Variants in KLHL29 observed in about 807,000 individuals in gnomAD.
KLHL29 encodes kelch like family member 29.
Under a neutral mutation model 80.4 loss-of-function variants are expected in KLHL29, and 21 were observed. The observed-to-expected ratio is 0.26, with a 90% CI of 0.19 to 0.38. KLHL29 has a LOEUF of 0.38. Among genes scored for constraint, KLHL29 ranks in the 10% least tolerant of loss-of-function variants. The probability of loss-of-function intolerance (pLI) is 1.00; values close to 1 mark genes in which losing one functional copy is unlikely to be tolerated. For synonymous variants in KLHL29, 511 were observed against 526.8 expected (o/e 0.97, Z 0.41); for missense variants, 867 against 1,223.9 (o/e 0.71, Z 4.35).
At chr2:23,604,229 G>A (rs1002140957) in intron 3 of KLHL29, among the ~76,000 whole-genome samples, 6 of 151,744 alleles carry the variant, frequency 4.0e-5, no homozygotes, top group South Asian at 4.2e-4. Flanking sequence ...TGGGCCTCCC[G>A]AGTAGCTGGG....
chr2:23,562,536 T>G lies in KLHL29; in HGVS notation c.285+55T>G. Reference sequence around the variant, plus strand: ...GCCGGACAGAGGGGCCCTGCCTCCCTGCAGGCTCAGGCCAGCCCCACAGGC... The same window carrying G: ...GCCGGACAGAGGGGCCCTGCCTCCCGGCAGGCTCAGGCCAGCCCCACAGGC... On this transcript the variant is annotated intron_variant, in intron 3 of 13. Transcript: ENST00000486442. This position sits in a 1 kb window ranked among gnomAD's most constrained non-coding sequence, Gnocchi z 4.5. The G allele has an allele frequency of 6.6e-7, 1 of 1,516,632 alleles. No homozygotes were observed. The highest frequency in any genetic ancestry group is 8.8e-7 in the Non-Finnish European group (1 of 1,134,610). The allele number at this position is 1,516,632 out of a possible 1,614,324, so 93.9% of individuals were successfully genotyped here. A position where few individuals can be genotyped will look rare whatever the true frequency, so the allele number is the denominator to read the frequency against.
chr2:23,476,846 A>G (rs905284982), intron 2 of KLHL29, among the ~76,000 whole-genome samples: 1 of 152,182 alleles, frequency 6.6e-6, no homozygotes, highest in African/African-American at 2.4e-5. Flanking sequence ...GGAGGGCACA[A>G]TCTTATGAAC....
chr2:23,495,087 C>T (rs1665223510), intron 2 of KLHL29, among the ~76,000 whole-genome samples: 1 of 152,064 alleles, frequency 6.6e-6, no homozygotes, highest in Non-Finnish European at 1.5e-5. Flanking sequence ...TCTTGAACTC[C>T]TGGCCTCAAG....
In KLHL29 at chr2:23,423,202, C is replaced by T. The variant is rs187935356; in HGVS notation, c.-154+37422C>T. Reference sequence around the variant, plus strand: ...TCCGCTTACTGTTCTTTTTTCCCTGCGAACAGAAAAGCCTGGATGGTTCTC... The same window carrying T: ...TCCGCTTACTGTTCTTTTTTCCCTGTGAACAGAAAAGCCTGGATGGTTCTC... On this transcript the variant is annotated intron_variant, in intron 1 of 13. Coordinates refer to ENST00000486442, the MANE Select transcript of KLHL29 (RefSeq NM_052920.2). 1.7e-3 allele frequency among the ~76,000 whole-genome samples: 262 copies of T among 152,268 alleles called. 2 individuals carry two copies. The highest frequency in any genetic ancestry group is 6.1e-3 in the African/African-American group (253 of 41,566).
chr2:23,584,988 G>C (rs1179653990), intron 3 of KLHL29, among the ~76,000 whole-genome samples: 1 of 152,154 alleles, frequency 6.6e-6, no homozygotes, highest in Non-Finnish European at 1.5e-5. Flanking sequence ...CACCCACCTT[G>C]GCCTCCCAAA....
At chr2:23,634,181 G>A (rs1335379523) in intron 3 of KLHL29, among the ~76,000 whole-genome samples, 1 of 152,096 alleles carries the variant, frequency 6.6e-6, no homozygotes, top group Non-Finnish European at 1.5e-5. Context: ...TTGGCAGAAG[G>A]CAGCCCCGCC....
chr2:23,416,245 G>T (rs1052421357), intron 1 of KLHL29, among the ~76,000 whole-genome samples: 11 of 152,192 alleles, frequency 7.2e-5, no homozygotes, highest in Admixed American at 2.0e-4. Context: ...ACCTCACAGA[G>T]CTCCACTTCT....
intron 1 of KLHL29, among the ~76,000 whole-genome samples, chr2:23,398,860 G>A (rs1181098254): frequency 1.4e-5 from 2 of 143,082 alleles, no homozygotes; most frequent in African/African-American, 5.0e-5. Flanking sequence ...CCATCTACAG[G>A]GAGAAATTTG....
intron 5 of KLHL29, chr2:23,671,896 A>G (rs1041903944): frequency 3.3e-5 from 5 of 152,366 alleles, no homozygotes; most frequent in African/African-American, 7.2e-5. Context: ...GCCTGGCTGC[A>G]CTGCCTCCAT....
At chr2:23,671,156 T>C (rs1040895480) in intron 5 of KLHL29, among the ~76,000 whole-genome samples, 1 of 151,808 alleles carries the variant, frequency 6.6e-6, no homozygotes, top group African/African-American at 2.4e-5. Context: ...AAACTGATTG[T>C]ACTCCTGGCT....
intron 13 of KLHL29, among the ~76,000 whole-genome samples, chr2:23,704,635 C>T (rs1451377288): frequency 6.6e-6 from 1 of 152,204 alleles, no homozygotes; most frequent in Non-Finnish European, 1.5e-5. Flanking sequence ...GGCGTGGTGG[C>T]ATGTGCCTGT....
chr2:23,507,606 T>C (rs1193218577), intron 2 of KLHL29, among the ~76,000 whole-genome samples: 1 of 152,186 alleles, frequency 6.6e-6, no homozygotes, highest in Non-Finnish European at 1.5e-5. Context: ...TAACGTCTGC[T>C]CTTGAGTGTG....
intron 1 of KLHL29, among the ~76,000 whole-genome samples, chr2:23,396,577 G>A (rs1192120199): frequency 1.3e-5 from 2 of 152,196 alleles, no homozygotes; most frequent in African/African-American, 2.4e-5. Context: ...TGGACCAGGA[G>A]GCTGCGTGCA....
chr2:23,686,994 G>T (rs184056011), intron 6 of KLHL29, among the ~76,000 whole-genome samples: 3 of 152,292 alleles, frequency 2.0e-5, no homozygotes, highest in African/African-American at 7.2e-5. Context: ...AAATCATAGA[G>T]AATTTCACAT....
In KLHL29 at chr2:23,639,276, T is replaced by G. The variant is rs201026980; in HGVS notation, c.423T>G (p.Asn141Lys). Reference protein sequence around the residue: ...PPSKQMRESDNPGTGPWVTTV... With the variant: ...PPSKQMRESDKPGTGPWVTTV... Reference sequence around the variant, plus strand: ...CCAAACAGATGAGAGAGAGTGACAATCCAGGTACGTACCTCATCGGCAGAT... The same window carrying G: ...CCAAACAGATGAGAGAGAGTGACAAGCCAGGTACGTACCTCATCGGCAGAT... The change falls in exon 4 of 14, where the codon AAT becomes AAG. Residue 141 changes from asparagine to lysine, a missense_variant. Physicochemically the swap from Asn to Lys is moderately conservative, Grantham distance 94. Coordinates refer to ENST00000486442, the MANE Select transcript of KLHL29 (RefSeq NM_052920.2). 3.9e-6 allele frequency: 6 copies of G among 1,547,124 alleles called. No homozygotes were observed. The African/African-American group carries it at 8.2e-5, about 21-fold the overall frequency.
At chr2:23,448,852 G>T (rs1019290981) in intron 1 of KLHL29, among the ~76,000 whole-genome samples, 5 of 152,072 alleles carry the variant, frequency 3.3e-5, no homozygotes, top group African/African-American at 1.2e-4. Flanking sequence ...CATTTCCTTA[G>T]CTTCTCAAAG....
intron 3 of KLHL29, among the ~76,000 whole-genome samples, chr2:23,578,718 A>G (rs1363380068): frequency 6.6e-6 from 1 of 152,234 alleles, no homozygotes; most frequent in East Asian, 1.9e-4. Flanking sequence ...TAGAAGGTGT[A>G]GTCATGGAAA....
rs149711161 is a variant in KLHL29 at position 23,388,750 on chromosome 2, T to C, written c.-154+2970T>C. On this transcript the variant is annotated intron_variant, in intron 1 of 13. Coordinates refer to ENST00000486442, the MANE Select transcript of KLHL29 (RefSeq NM_052920.2). ...CACTATTCCCAGCTACATACAGATA[T>C]AAAGGAGTTAATTTTTTTTCATCAA... Among the ~76,000 whole-genome samples the C allele has an allele frequency of 1.4e-4, 22 of 152,260 alleles. 1 individual carries two copies. In the East Asian group the frequency reaches 4.2e-3, roughly 29 times the overall value.
At chr2:23,456,047 A>C (rs1215650327) in intron 1 of KLHL29, among the ~76,000 whole-genome samples, 3 of 152,138 alleles carry the variant, frequency 2.0e-5, no homozygotes, top group African/African-American at 7.2e-5. Flanking sequence ...GAAGAAACCA[A>C]ACCTGCTGAC....
Sources: allele counts gnomAD v4.1 joint callset (sites outside exome capture counted in the v4.1 genomes callset), GRCh38; gene constraint gnomAD v4.1.1; non-coding constraint Gnocchi (gnomAD v3.1); transcripts MANE v1.5; gene names NCBI Gene and HGNC (gene_info 2026-07-23, HGNC 2026-07-21).